The following EFCAB8 variants were observed in gnomAD, a reference collection of about 807,000 sequenced individuals.
EFCAB8 encodes EF-hand calcium binding domain 8, also known as EF-hand calcium-binding domain-containing protein 8.
A neutral mutation model predicts 116.3 loss-of-function variants in EFCAB8; 100 were observed. That is an observed-to-expected ratio of 0.86 (90% CI 0.73 to 1.02). EFCAB8 has a LOEUF of 1.02. EFCAB8 is among the 50% of genes least tolerant of loss of function. EFCAB8 has a pLI of 0.00. For synonymous variants in EFCAB8, 558 were observed against 567.9 expected, an observed-to-expected ratio of 0.98 and a Z score of 0.25; for missense variants, 1,320 against 1,416.9, an observed-to-expected ratio of 0.93 and a Z score of 1.10.
intron 4 of EFCAB8, among the ~76,000 whole-genome samples, chr20:32,877,818 C>A (rs1246605701): frequency 6.6e-6 from 1 of 152,114 alleles, no homozygotes; most frequent in Non-Finnish European, 1.5e-5. Flanking sequence ...CTTACAGGGG[C>A]CTGAGTTTTA....
At chr20:32,944,684 T>A (rs537379169) in intron 23 of EFCAB8, among the ~76,000 whole-genome samples, 1 of 152,298 alleles carries the variant, frequency 6.6e-6, no homozygotes, top group Admixed American at 6.5e-5. Context: ...TTTTTATTTA[T>A]CTGGGAAAAT....
At chr20:32,915,941 G>A (rs1204230827) in intron 17 of EFCAB8, among the ~76,000 whole-genome samples, 3 of 151,940 alleles carry the variant, frequency 2.0e-5, no homozygotes, top group East Asian at 1.9e-4. Context: ...CAAAGTGCTG[G>A]GATTACAGGC....
At chr20:32,939,045 GTTTCTCTC>G (rs1988239334) in intron 22 of EFCAB8, among the ~76,000 whole-genome samples, 1 of 89,484 alleles carries the variant, frequency 1.1e-5, no homozygotes, top group Admixed American at 1.6e-4. Flanking sequence ...TCCTTCCTTC[GTTTCTCTC>G]TTTCTTTCTT....
At chr20:32,927,119 G>A (rs919920273) in intron 20 of EFCAB8, among the ~76,000 whole-genome samples, 2 of 151,888 alleles carry the variant, frequency 1.3e-5, no homozygotes, top group African/African-American at 4.8e-5. Flanking sequence ...TAAAAAATTA[G>A]GTACAAAAGT....
At chr20:32,914,081 G>A (rs1987070477) in intron 17 of EFCAB8, among the ~76,000 whole-genome samples, 1 of 152,252 alleles carries the variant, frequency 6.6e-6, no homozygotes, top group South Asian at 2.1e-4. Context: ...CCAAGGCTGT[G>A]GCTCTGCTGG....
intron 11 of EFCAB8, among the ~76,000 whole-genome samples, chr20:32,906,119 C>T (rs1002796909): frequency 3.3e-5 from 5 of 152,172 alleles, no homozygotes; most frequent in East Asian, 3.8e-4. Flanking sequence ...GTGGGGCACC[C>T]GGGAGCTTCC....
chr20:32,867,036 G>A (rs1405957245), intron 2 of EFCAB8, among the ~76,000 whole-genome samples: 1 of 151,914 alleles, frequency 6.6e-6, no homozygotes. Context: ...TCCTGCCTCA[G>A]CCTCCTGAGT....
At chr20:32,929,158 G>A (rs1176670547) in intron 20 of EFCAB8, among the ~76,000 whole-genome samples, 2 of 147,996 alleles carry the variant, frequency 1.4e-5, no homozygotes, top group Non-Finnish European at 3.0e-5. Flanking sequence ...TTCTTATAAT[G>A]TCTTTGTCTG....
chr20:32,916,203 T>A (rs2060774309), intron 17 of EFCAB8, among the ~76,000 whole-genome samples: 1 of 152,174 alleles, frequency 6.6e-6, no homozygotes, highest in Non-Finnish European at 1.5e-5. Context: ...GGTTCATAGA[T>A]GGCCATTTTC....
At chr20:32,870,043 T>C (rs972473697) in intron 3 of EFCAB8, among the ~76,000 whole-genome samples, 2 of 152,218 alleles carry the variant, frequency 1.3e-5, no homozygotes, top group Non-Finnish European at 2.9e-5. Context: ...TCTTTCTTTA[T>C]ATCCACTAGA....
At chr20:32,910,357 A>G (rs1380323273) in intron 15 of EFCAB8, among the ~76,000 whole-genome samples, 1 of 152,216 alleles carries the variant, frequency 6.6e-6, no homozygotes, top group African/African-American at 2.4e-5. Context: ...ACGGAGGCCC[A>G]GGCAGCAGGC....
chr20:32,892,598 T>C (rs373168939), intron 8 of EFCAB8, among the ~76,000 whole-genome samples: 1 of 152,162 alleles, frequency 6.6e-6, no homozygotes, highest in East Asian at 1.9e-4. Context: ...CACAGTCTAT[T>C]GCGAGGGGTG....
intron 11 of EFCAB8, among the ~76,000 whole-genome samples, chr20:32,901,775 C>T (rs1986440431): frequency 6.6e-6 from 1 of 152,246 alleles, no homozygotes; most frequent in Non-Finnish European, 1.5e-5. Context: ...GCAACCTCCA[C>T]CTCCCGGGTT....
At chr20:32,888,351 G>A (rs1275866327) in intron 6 of EFCAB8, among the ~76,000 whole-genome samples, 2 of 152,054 alleles carry the variant, frequency 1.3e-5, no homozygotes, top group Non-Finnish European at 2.9e-5. Flanking sequence ...TCAGCCTCCC[G>A]AGTAGCTGGA....
In EFCAB8 at chr20:32,896,445, C is replaced by T. The variant is rs1405412613; in HGVS notation, c.884-9C>T. On this transcript the variant is annotated splice_polypyrimidine_tract_variant and intron_variant, in intron 9 of 26. Coordinates refer to ENST00000400522, the MANE Select transcript of EFCAB8 (RefSeq NM_001143967.2). ...TGCTGATGTGGACCTTGGTTTTTTC[C>T]CCTATCAGATCACTGGATCAAAGTT... The T allele has an allele frequency of 5.6e-6, 4 of 718,288 alleles. No homozygotes were observed. Among genetic ancestry groups the T allele is most frequent in the African/African-American group, 1.7e-5 (1 of 57,172 alleles). 44.5% of individuals were successfully genotyped at this position (718,288 alleles called of 1,614,324 possible).
chr20:32,894,251 A>C (rs1986054700), intron 9 of EFCAB8, among the ~76,000 whole-genome samples: 1 of 152,040 alleles, frequency 6.6e-6, no homozygotes, highest in Non-Finnish European at 1.5e-5. Flanking sequence ...TAAGCAGGAC[A>C]CTCCAGGGGT....
rs372037700 is a variant in EFCAB8 at position 32,930,667 on chromosome 20, C to T, written c.2631+51C>T. On this transcript the variant is annotated intron_variant, in intron 21 of 26. Transcript: ENST00000400522. ...GAGGGGCTGGTGCCAGCTAAGTGTT[C>T]GGCCATCTCTTTGCTCACATGGCCC... is the stretch of plus-strand genomic sequence containing the variant. 4.2e-5 allele frequency: 64 copies of T among 1,514,868 alleles called. No individual in the cohort carries two copies. In the Middle Eastern group the frequency reaches 5.1e-4, roughly 12 times the overall value. 93.8% of individuals were successfully genotyped at this position (1,514,868 alleles called of 1,614,324 possible).
intron 1 of EFCAB8, among the ~76,000 whole-genome samples, chr20:32,860,813 A>G (rs1014045469): frequency 6.6e-6 from 1 of 152,008 alleles, no homozygotes; most frequent in Non-Finnish European, 1.5e-5. Flanking sequence ...ATTACAGTTC[A>G]CTACGGCCTC....
chr20:32,944,463 TA>T (rs934729816), intron 23 of EFCAB8, among the ~76,000 whole-genome samples: 20 of 149,496 alleles, frequency 1.3e-4, no homozygotes, highest in South Asian at 8.5e-4. Context: ...AGACTCTGTC[TA>T]AAAAAAAAAT....
Sources: allele counts gnomAD v4.1 joint callset (sites outside exome capture counted in the v4.1 genomes callset), GRCh38; gene constraint gnomAD v4.1.1; transcripts MANE v1.5; gene names NCBI Gene and HGNC (gene_info 2026-07-23, HGNC 2026-07-21).